PRH1: variants seen among roughly 807,000 people sequenced by gnomAD.
The protein encoded by PRH1 is salivary acidic proline-rich phosphoprotein 1/2.
Under a neutral mutation model 7.9 loss-of-function variants are expected in PRH1, and 7 were observed. The observed-to-expected ratio is 0.89, with a 90% CI of 0.50 to 1.67. The LOEUF is 1.67. PRH1 is among the 40% of genes most tolerant of loss of function. PRH1 has a pLI of 0.00. For synonymous variants in PRH1, 45 were observed against 80.8 expected, an observed-to-expected ratio of 0.56 and a Z score of 2.38; for missense variants, 109 against 223.6, an observed-to-expected ratio of 0.49 and a Z score of 3.27.
chr12:11,002,363 CACAG>C (rs1399050522), intron 1 of PRH1, among the ~76,000 whole-genome samples: 3 of 152,148 alleles, frequency 2.0e-5, no homozygotes, highest in African/African-American at 7.2e-5. Flanking sequence ...CAGCATCAGG[CACAG>C]ACAAAGATCC....
chr12:10,881,473 C>A (rs768246574), intron 3 of PRH1, among the ~76,000 whole-genome samples: 1 of 152,016 alleles, frequency 6.6e-6, no homozygotes, highest in Non-Finnish European at 1.5e-5. Context: ...AACAAACTAA[C>A]CAATAAACAC....
At chr12:10,889,994 T>A (rs1359916716) in intron 2 of PRH1, among the ~76,000 whole-genome samples, 1 of 152,244 alleles carries the variant, frequency 6.6e-6, no homozygotes, top group African/African-American at 2.4e-5. Context: ...ATCTAAGTAA[T>A]TTCAAGGTTG....
intron 2 of PRH1, among the ~76,000 whole-genome samples, chr12:10,948,410 T>C (rs560789018): frequency 1.2e-4 from 19 of 152,372 alleles, no homozygotes; most frequent in African/African-American, 4.3e-4. Flanking sequence ...CTCAGACTAG[T>C]ATATTCTGCT....
At chr12:11,162,444 T>C (rs35021653) in intron 1 of PRH1, among the ~76,000 whole-genome samples, 69,191 of 152,040 alleles carry the variant, frequency 0.46, 16,545 homozygotes, top group Non-Finnish European at 0.52. Context: ...TCCCAGACCA[T>C]GAGGGACTAC....
chr12:10,975,784 T>TA (rs1040365708), intron 1 of PRH1, among the ~76,000 whole-genome samples: 5 of 148,126 alleles, frequency 3.4e-5, no homozygotes, highest in African/African-American at 4.9e-5. Context: ...TCTAATTTCA[T>TA]AAAAAAAGTC....
chr12:11,111,117 T>C (rs1339435668), intron 1 of PRH1, among the ~76,000 whole-genome samples: 2 of 152,216 alleles, frequency 1.3e-5, no homozygotes, highest in African/African-American at 4.8e-5. Context: ...CCTAAATATA[T>C]GTGCACCCAA....
In PRH1 at chr12:11,096,794, TTTG is replaced by T. The variant is rs1555164701; in HGVS notation, n.124-49609_124-49607del. The stretch of plus-strand genomic sequence containing the variant: ...TAAATTTTATGCGGTTTTTGTTTTT[TTTG>T]TTGTTGTTGTTGTTGTTTTTGAGAC... On this transcript the variant is annotated intron_variant and non_coding_transcript_variant, in intron 1 of 4. Transcript: ENST00000541977. 4.6e-4 allele frequency among the ~76,000 whole-genome samples: 52 copies of T among 113,662 alleles called. 10 individuals carry two copies. The East Asian group carries it at 5.9e-3, about 13-fold the overall frequency. The allele number at this position is 113,662 out of a possible 152,430, so 74.6% of individuals were successfully genotyped here. A position where few individuals can be genotyped will look rare whatever the true frequency, so the allele number is the denominator to read the frequency against.
chr12:10,893,469 C>T (rs1949604039), intron 2 of PRH1, among the ~76,000 whole-genome samples: 1 of 152,172 alleles, frequency 6.6e-6, no homozygotes, highest in East Asian at 1.9e-4. Flanking sequence ...GTTAACATTA[C>T]AATAGATGCC....
chr12:11,122,415 T>C (rs537291181), intron 1 of PRH1, among the ~76,000 whole-genome samples: 23 of 140,796 alleles, frequency 1.6e-4, no homozygotes, highest in Non-Finnish European at 3.5e-4. Flanking sequence ...AAATATCTAA[T>C]GTAGTTTTGG....
At chr12:11,061,449 T>C (rs763206168) in intron 1 of PRH1, 1 of 1,614,164 alleles carries the variant, frequency 6.2e-7, no homozygotes, top group Non-Finnish European at 8.5e-7. Context: ...GCTTCTTGTT[T>C]CCCCAAATCA....
chr12:11,000,974 A>C (rs1940560235), intron 1 of PRH1, among the ~76,000 whole-genome samples: 1 of 151,540 alleles, frequency 6.6e-6, no homozygotes, highest in Non-Finnish European at 1.5e-5. Flanking sequence ...TTTTTTAAAA[A>C]AAGTTGGGTT....
At chr12:11,106,369 A>C (rs185405165) in intron 1 of PRH1, among the ~76,000 whole-genome samples, 281 of 152,314 alleles carry the variant, frequency 1.8e-3, no homozygotes, top group Non-Finnish European at 2.8e-3. Context: ...CAGGGACATC[A>C]TCCAGGTAAA....
intron 2 of PRH1, among the ~76,000 whole-genome samples, chr12:10,950,869 G>A (rs1217565836): frequency 2.0e-5 from 3 of 151,922 alleles, no homozygotes. Flanking sequence ...AAAAAGATTG[G>A]TAGTAAACTT....
intron 1 of PRH1, among the ~76,000 whole-genome samples, chr12:11,105,921 T>G (rs1945396899): frequency 6.6e-6 from 1 of 151,738 alleles, no homozygotes; most frequent in African/African-American, 2.4e-5. Flanking sequence ...TCCTAATACT[T>G]TTGAATAACT....
At chr12:10,908,479 G>A in intron 2 of PRH1, 1 of 1,613,908 alleles carries the variant, frequency 6.2e-7, no homozygotes, top group Non-Finnish European at 8.5e-7. Context: ...TGGCTTGAAG[G>A]AGAGAAGACT....
intron 1 of PRH1, among the ~76,000 whole-genome samples, chr12:11,041,235 T>C (rs1942693891): frequency 1.6e-5 from 2 of 125,294 alleles, no homozygotes; most frequent in Admixed American, 1.8e-4. Flanking sequence ...TATAAAGACA[T>C]GCACAGAGAG....
chr12:11,131,337 A>G lies in PRH1; in HGVS notation n.40-10157T>C, dbSNP rs34656404. Among the ~76,000 whole-genome samples the G allele has an allele frequency of 9.1e-3, 1,388 of 152,210 alleles. 10 individuals carry two copies. Among genetic ancestry groups the G allele is most frequent in the Non-Finnish European group, 0.015 (1,049 of 68,016 alleles). ...TGAAGTGGCTGCCAGCAGTCATACC[A>G]GACATCACCACACATTGTTTCACAT... On this transcript the variant is annotated intron_variant and non_coding_transcript_variant, in intron 1 of 1. Coordinates refer to the PRH1 transcript ENST00000541175.
At chr12:11,171,509 C>T (rs1347772747), upstream of PRH1, 1 of 1,232,274 alleles carries the variant, frequency 8.1e-7, no homozygotes, top group African/African-American at 1.6e-5. Flanking sequence ...ACTTCCCGTA[C>T]TTCTACGTCG....
chr12:10,964,348 G>A (rs2135938455), intron 2 of PRH1: 1 of 195,516 alleles, frequency 5.1e-6, no homozygotes, highest in Non-Finnish European at 1.1e-5. Context: ...AAAAACCAGT[G>A]GAAAGTATAA....
Sources: allele counts gnomAD v4.1 joint callset (sites outside exome capture counted in the v4.1 genomes callset), GRCh38; gene constraint gnomAD v4.1.1; transcripts MANE v1.5; gene names NCBI Gene and HGNC (gene_info 2026-07-23, HGNC 2026-07-21).